THSD4: variants seen among roughly 807,000 people sequenced by gnomAD.
THSD4 encodes the protein thrombospondin type 1 domain containing 4, also known as thrombospondin type-1 domain-containing protein 4.
Under a neutral mutation model 119.0 loss-of-function variants are expected in THSD4, and 69 were observed. The observed-to-expected ratio is 0.58, with a 90% CI of 0.48 to 0.71. THSD4 has a LOEUF of 0.71. Ranked by LOEUF, THSD4 falls within the 30% of genes least tolerant of loss-of-function variation. The probability of loss-of-function intolerance (pLI) is 0.00; values close to 1 mark genes in which losing one functional copy is unlikely to be tolerated. For missense variants in THSD4, 1,393 were observed against 1,391.1 expected (o/e 1.00, Z -0.02); for synonymous variants, 524 against 540.4 (o/e 0.97, Z 0.42).
At chr15:71,554,279 G>A (rs1265443574) in intron 7 of THSD4, among the ~76,000 whole-genome samples, 1 of 150,006 alleles carries the variant, frequency 6.7e-6, no homozygotes, top group Admixed American at 6.7e-5. Context: ...TATTTTTTTA[G>A]TAGAGATGGG....
chr15:71,642,940 T>C, intron 7 of THSD4, among the ~76,000 whole-genome samples: 1 of 151,888 alleles, frequency 6.6e-6, no homozygotes. Context: ...CCCTAAAACT[T>C]AAAGTATAAT....
At chr15:71,104,044 CTCCA>C (rs2040264069) in intron 1 of THSD4, among the ~76,000 whole-genome samples, 1 of 152,188 alleles carries the variant, frequency 6.6e-6, no homozygotes, top group Non-Finnish European at 1.5e-5. Context: ...CAGATAGCTC[CTCCA>C]TCCATTCTGT....
intron 8 of THSD4, among the ~76,000 whole-genome samples, chr15:71,723,433 A>G (rs896968784): frequency 2.6e-5 from 4 of 152,166 alleles, no homozygotes; most frequent in Non-Finnish European, 5.9e-5. Flanking sequence ...TTGCTTATGG[A>G]GTACTTGTAC....
chr15:71,611,138 G>C (rs1341361524), intron 7 of THSD4, among the ~76,000 whole-genome samples: 1 of 152,230 alleles, frequency 6.6e-6, no homozygotes, highest in Non-Finnish European at 1.5e-5. Context: ...CCTGAGCCGT[G>C]ATTATGCCAT....
chr15:71,358,072 T>C (rs986537909), intron 6 of THSD4, among the ~76,000 whole-genome samples: 1 of 152,190 alleles, frequency 6.6e-6, no homozygotes, highest in Admixed American at 6.5e-5. Flanking sequence ...TTTCAGGTCT[T>C]AGCTGGCTTC....
At chr15:71,534,490 T>C (rs2048661833) in intron 7 of THSD4, among the ~76,000 whole-genome samples, 1 of 152,244 alleles carries the variant, frequency 6.6e-6, no homozygotes, top group Non-Finnish European at 1.5e-5. Flanking sequence ...TGCCTATTCA[T>C]GGTCATTCCC....
chr15:71,141,610 G>T lies in THSD4; in HGVS notation c.29+54G>T. On this transcript the variant is annotated intron_variant, in intron 2 of 17. Coordinates refer to ENST00000261862, the MANE Select transcript of THSD4 (RefSeq NM_024817.3). ...CAGGAGAATAAGAAATTTGATATTT[G>T]CATTTTACTCTGTCATTTCTTAAAG... is the stretch of plus-strand genomic sequence containing the variant. 3 of 1,544,926 alleles carry T rather than the reference G, an allele frequency of 1.9e-6. No individual in the cohort carries two copies. In the South Asian group the frequency reaches 3.6e-5, roughly 18 times the overall value.
intron 6 of THSD4, among the ~76,000 whole-genome samples, chr15:71,338,265 C>CGGGG (rs1390831721): frequency 6.8e-6 from 1 of 147,502 alleles, no homozygotes; most frequent in Admixed American, 6.8e-5. Context: ...GGCTTAGGTA[C>CGGGG]CCCCACCCCC....
Position 71,451,629 on chromosome 15 carries a change from G to A in THSD4, c.1152+39806G>A, listed in dbSNP as rs112570998. 2.7e-3 allele frequency among the ~76,000 whole-genome samples: 404 copies of A among 152,282 alleles called. 1 individual carries two copies. The highest frequency in any genetic ancestry group is 9.3e-3 in the African/African-American group (386 of 41,550). On this transcript the variant is annotated intron_variant, in intron 7 of 17. Coordinates refer to ENST00000261862, the MANE Select transcript of THSD4 (RefSeq NM_024817.3). ...AGACAGAGGCATGGGGGCTGGGAGA[G>A]GGGTGATATTTTATTTTCTAGTCAG...
At chr15:71,189,436 C>T (rs1567151382) in intron 3 of THSD4, among the ~76,000 whole-genome samples, 2 of 152,084 alleles carry the variant, frequency 1.3e-5, no homozygotes, top group South Asian at 2.1e-4. Flanking sequence ...TTTGGGAGGC[C>T]GAGGCAGGTG....
chr15:71,632,716 T>G (rs992277292), intron 7 of THSD4, among the ~76,000 whole-genome samples: 1 of 152,272 alleles, frequency 6.6e-6, no homozygotes, highest in Non-Finnish European at 1.5e-5. Flanking sequence ...TCCCAGCAAC[T>G]GCTGTAAGTG....
intron 5 of THSD4, among the ~76,000 whole-genome samples, chr15:71,243,768 C>T (rs886404614): frequency 2.0e-5 from 3 of 147,954 alleles, no homozygotes; most frequent in African/African-American, 7.4e-5. Context: ...TAAGCCAGGC[C>T]TTGTGCTCAG....
chr15:71,561,903 C>A lies in THSD4; in HGVS notation c.1153-98627C>A, dbSNP rs889798998. Among the ~76,000 whole-genome samples, 504 of 56,052 alleles carry A rather than the reference C, an allele frequency of 9.0e-3. 9 individuals carry two copies. The highest frequency in any genetic ancestry group is 0.021 in the African/African-American group (481 of 23,102). 36.8% of individuals were successfully genotyped at this position (56,052 alleles called of 152,430 possible). A position where few individuals can be genotyped will look rare whatever the true frequency, so the allele number is the denominator to read the frequency against. On this transcript the variant is annotated intron_variant, in intron 7 of 17. Coordinates refer to ENST00000261862, the MANE Select transcript of THSD4 (RefSeq NM_024817.3). ...ACACACACACACACACACACACACA[C>A]ACACACACACACACACAAACACTCA...
intron 6 of THSD4, among the ~76,000 whole-genome samples, chr15:71,260,135 A>C (rs2044373350): frequency 6.6e-6 from 1 of 152,206 alleles, no homozygotes; most frequent in South Asian, 2.1e-4. Flanking sequence ...GCCCTATGCA[A>C]ACCACAAAGA....
At chr15:71,701,899 C>T (rs2052297136) in intron 8 of THSD4, among the ~76,000 whole-genome samples, 2 of 152,176 alleles carry the variant, frequency 1.3e-5, no homozygotes, top group South Asian at 4.2e-4. Flanking sequence ...TCATGCATTG[C>T]TTCTGTGATT....
At chr15:71,159,160 G>C (rs2043227956) in intron 3 of THSD4, among the ~76,000 whole-genome samples, 1 of 152,054 alleles carries the variant, frequency 6.6e-6, no homozygotes, top group Admixed American at 6.6e-5. Context: ...TCTCTATTCT[G>C]TTCCATTGGC....
At chr15:71,465,799 G>A (rs2047490942) in intron 7 of THSD4, among the ~76,000 whole-genome samples, 2 of 152,186 alleles carry the variant, frequency 1.3e-5, no homozygotes, top group South Asian at 4.1e-4. Flanking sequence ...TGGAAAGAAT[G>A]CTTTGGTCAC....
intron 6 of THSD4, among the ~76,000 whole-genome samples, chr15:71,407,133 C>G (rs1172019846): frequency 6.6e-6 from 1 of 152,212 alleles, no homozygotes; most frequent in Admixed American, 6.5e-5. Context: ...GCTACTCTAG[C>G]TGCCTTTTGC....
chr15:71,104,730 G>A (rs915308709), intron 1 of THSD4, among the ~76,000 whole-genome samples: 1 of 152,206 alleles, frequency 6.6e-6, no homozygotes, highest in African/African-American at 2.4e-5. Context: ...GTGATATCTT[G>A]AAGTGGGAGT....
Sources: gnomAD v4.1 joint callset for allele counts (sites outside exome capture counted in the v4.1 genomes callset) on GRCh38, gnomAD v4.1.1 for gene constraint, MANE v1.5 for transcripts, NCBI Gene and HGNC (gene_info 2026-07-23, HGNC 2026-07-21) for gene names.